The following CFAP299 variants were observed in gnomAD, a reference collection of about 807,000 sequenced individuals.
CFAP299 encodes cilia- and flagella-associated protein 299.
CFAP299 carries 21 observed loss-of-function variants against 27.0 expected under a neutral mutation model. That is an observed-to-expected ratio of 0.78 (90% CI 0.55 to 1.12). The LOEUF (loss-of-function observed/expected upper bound fraction) is 1.12, where lower values mean the gene tolerates loss of function less well. CFAP299 is among the 50% of genes most tolerant of loss of function. The pLI, the probability that CFAP299 is intolerant of heterozygous loss-of-function variation, is 0.00. For synonymous variants in CFAP299, 104 were observed against 98.1 expected (o/e 1.06, Z -0.36); for missense variants, 310 against 276.6 (o/e 1.12, Z -0.86).
chr4:80,459,948 A>G (rs899626932), intron 2 of CFAP299, among the ~76,000 whole-genome samples: 2 of 152,194 alleles, frequency 1.3e-5, no homozygotes, highest in African/African-American at 4.8e-5. Context: ...AAAATTTATT[A>G]ATATGCAAGG....
chr4:80,872,789 CCT>C lies in CFAP299; in HGVS notation c.476+2655_476+2656del, dbSNP rs556734502. On this transcript the variant is annotated intron_variant, in intron 4 of 5. Transcript: ENST00000358105. ...TGTGAAGTACCTATTAAGATTTTTC[CCT>C]GTTATTTCAAGTGAGCTATTCTTTT... 1.4e-4 allele frequency: 80 copies of C among 572,210 alleles called. No individual in the cohort carries two copies. The South Asian group carries it at 5.0e-3, about 36-fold the overall frequency. The allele number at this position is 572,210 out of a possible 1,614,324, so 35.4% of individuals were successfully genotyped here.
At chr4:80,583,237 T>A in intron 3 of CFAP299, 54 bp downstream of exon 3, 1 of 1,002,262 alleles carries the variant, frequency 1.0e-6, no homozygotes. Flanking sequence ...GCACAATTAA[T>A]ATTAAAAAAT....
At chr4:80,819,289 A>G (rs1729578251) in intron 3 of CFAP299, among the ~76,000 whole-genome samples, 1 of 152,132 alleles carries the variant, frequency 6.6e-6, no homozygotes, top group Non-Finnish European at 1.5e-5. Context: ...GAATATTTGT[A>G]TAAAAGTATT....
intron 2 of CFAP299, among the ~76,000 whole-genome samples, chr4:80,471,654 A>G (rs1174793952): frequency 6.6e-6 from 1 of 151,040 alleles, no homozygotes; most frequent in Non-Finnish European, 1.5e-5. Context: ...CAAATCTGTT[A>G]ATTTTGCAAT....
chr4:80,397,295 C>T (rs376974730), intron 2 of CFAP299, among the ~76,000 whole-genome samples: 19 of 152,048 alleles, frequency 1.2e-4, no homozygotes, highest in African/African-American at 4.3e-4. Context: ...GTCTTGCTAG[C>T]GGTCTATCAA....
chr4:80,566,079 G>T (rs1390950759), intron 2 of CFAP299, among the ~76,000 whole-genome samples: 1 of 151,976 alleles, frequency 6.6e-6, no homozygotes, highest in Non-Finnish European at 1.5e-5. Context: ...CCCTTTATTG[G>T]CTGACTTTGG....
At chr4:80,324,126 T>C in the CFAP299 span, among the ~76,000 whole-genome samples, 1 of 152,194 alleles carries the variant, frequency 6.6e-6, no homozygotes, top group African/African-American at 2.4e-5. Context: ...CCTAATGCTC[T>C]CACTCCCCTT....
chr4:80,859,191 T>C (rs1304987703), intron 3 of CFAP299, among the ~76,000 whole-genome samples: 2 of 152,212 alleles, frequency 1.3e-5, no homozygotes, highest in African/African-American at 4.8e-5. Context: ...TTTTGATCTT[T>C]GTTGGTTTAA....
intron 3 of CFAP299, among the ~76,000 whole-genome samples, chr4:80,612,099 G>A (rs1034541931): frequency 2.6e-5 from 4 of 151,374 alleles, no homozygotes; most frequent in African/African-American, 9.7e-5. Flanking sequence ...GTAGATTAGT[G>A]ATACTGCAAA....
At chr4:80,940,342 A>G (rs1022169105) in intron 4 of CFAP299, among the ~76,000 whole-genome samples, 7 of 152,176 alleles carry the variant, frequency 4.6e-5, no homozygotes, top group African/African-American at 1.4e-4. Flanking sequence ...GTACCATTCC[A>G]TAAGACTGGG....
intron 3 of CFAP299, among the ~76,000 whole-genome samples, chr4:80,780,374 C>G (rs963130107): frequency 2.0e-5 from 3 of 152,036 alleles, no homozygotes; most frequent in African/African-American, 4.8e-5. Flanking sequence ...TCTCAGAGTC[C>G]CATCTTCACC....
At chr4:80,626,038 A>G (rs1738878491) in intron 3 of CFAP299, among the ~76,000 whole-genome samples, 1 of 151,986 alleles carries the variant, frequency 6.6e-6, no homozygotes, top group Non-Finnish European at 1.5e-5. Flanking sequence ...TCAAGTGGAC[A>G]TAACAAATAT....
At chr4:80,328,985 C>T in the CFAP299 span, among the ~76,000 whole-genome samples, 2 of 152,160 alleles carry the variant, frequency 1.3e-5, no homozygotes, top group South Asian at 4.2e-4. Context: ...TTGTCAAACC[C>T]GCAGCCCGTG....
chr4:80,745,260 T>C (rs1724521771), intron 3 of CFAP299, among the ~76,000 whole-genome samples: 1 of 152,062 alleles, frequency 6.6e-6, no homozygotes, highest in South Asian at 2.1e-4. Flanking sequence ...CTGAAACTAG[T>C]TAGGGAACTT....
At chr4:80,337,942 C>T (rs531438863) in intron 1 of CFAP299, among the ~76,000 whole-genome samples, 15 of 152,162 alleles carry the variant, frequency 9.9e-5, no homozygotes, top group African/African-American at 3.4e-4. Context: ...TTCTAGAGAT[C>T]TACATTCTCA....
At chr4:80,800,487 ATATAATATATAATATATT>A (rs1728436401) in intron 3 of CFAP299, among the ~76,000 whole-genome samples, 1 of 2,338 alleles carries the variant, frequency 4.3e-4, no homozygotes, top group African/African-American at 6.6e-4. Flanking sequence ...ATTATATAAT[ATATAATATATAATATATT>A]ATATAATATA....
intron 3 of CFAP299, among the ~76,000 whole-genome samples, chr4:80,588,125 G>C (rs968598157): frequency 3.3e-5 from 5 of 151,176 alleles, no homozygotes; most frequent in Non-Finnish European, 2.9e-5. Context: ...CCTGCGGCAA[G>C]GTGAATTTGC....
At chr4:80,513,304 T>A (rs974369778) in intron 2 of CFAP299, among the ~76,000 whole-genome samples, 2 of 152,156 alleles carry the variant, frequency 1.3e-5, no homozygotes, top group Non-Finnish European at 2.9e-5. Context: ...GTGGTAAAAA[T>A]TGTGTCCAGT....
chr4:80,851,910 A>G (rs1731549117), intron 3 of CFAP299, among the ~76,000 whole-genome samples: 1 of 152,114 alleles, frequency 6.6e-6, no homozygotes, highest in Non-Finnish European at 1.5e-5. Flanking sequence ...ATGATTTGTC[A>G]GGAAGATTCA....
Sources: gnomAD v4.1 joint callset for allele counts (sites outside exome capture counted in the v4.1 genomes callset) on GRCh38, gnomAD v4.1.1 for gene constraint, MANE v1.5 for transcripts, NCBI Gene and HGNC (gene_info 2026-07-23, HGNC 2026-07-21) for gene names.